ANXA10: variants seen among roughly 807,000 people sequenced by gnomAD.
ANXA10 encodes annexin A10, also known as annexin 14.
In ANXA10, 49 loss-of-function variants were observed where a neutral mutation model predicts 53.5. That is an observed-to-expected ratio of 0.92 (90% CI 0.73 to 1.16). The LOEUF is 1.16. Among genes scored for constraint, ANXA10 ranks in the 50% most tolerant of loss-of-function variants. The pLI is 0.00. For missense variants in ANXA10, 393 were observed against 394.4 expected (o/e 1.00, Z 0.03); for synonymous variants, 131 against 128.9 (o/e 1.02, Z -0.11).
intron 3 of ANXA10, among the ~76,000 whole-genome samples, chr4:168,153,053 A>T (rs944684826): frequency 2.6e-5 from 4 of 151,994 alleles, no homozygotes; most frequent in Non-Finnish European, 4.4e-5. Context: ...CATCCTGCCC[A>T]GTCTAGTCTT....
intron 1 of ANXA10, among the ~76,000 whole-genome samples, chr4:168,097,842 A>G (rs2149463570): frequency 6.6e-6 from 1 of 152,298 alleles, no homozygotes; most frequent in East Asian, 1.9e-4. Context: ...GGTAAAAGTC[A>G]GCAAAGAGGA....
At chr4:168,111,878 TATTA>T (rs1730813191) in intron 1 of ANXA10, among the ~76,000 whole-genome samples, 2 of 152,192 alleles carry the variant, frequency 1.3e-5, no homozygotes, top group African/African-American at 4.8e-5. Flanking sequence ...GACATCTTAT[TATTA>T]ATTAAACTAT....
chr4:168,143,981 A>C (rs982763672), intron 3 of ANXA10, among the ~76,000 whole-genome samples: 4 of 152,144 alleles, frequency 2.6e-5, no homozygotes, highest in Admixed American at 6.5e-5. Flanking sequence ...AATACTCAAG[A>C]GGGCCTAATC....
chr4:168,155,347 A>G (rs1578920895), intron 3 of ANXA10, among the ~76,000 whole-genome samples: 2 of 124,382 alleles, frequency 1.6e-5, no homozygotes, highest in Admixed American at 1.1e-4. Context: ...TATATATAAT[A>G]TATTATATAT....
At chr4:168,135,374 G>C (rs998174642) in intron 2 of ANXA10, among the ~76,000 whole-genome samples, 1 of 152,136 alleles carries the variant, frequency 6.6e-6, no homozygotes, top group Non-Finnish European at 1.5e-5. Flanking sequence ...GACAATTTTG[G>C]GTTGTCAAAC....
At chr4:168,131,559 T>C (rs1213837948) in intron 2 of ANXA10, among the ~76,000 whole-genome samples, 1 of 152,030 alleles carries the variant, frequency 6.6e-6, no homozygotes, top group African/African-American at 2.4e-5. Flanking sequence ...AAATTACTTA[T>C]AGAGTAATTG....
intron 2 of ANXA10, among the ~76,000 whole-genome samples, chr4:168,130,117 G>C (rs1203398029): frequency 6.6e-6 from 1 of 152,052 alleles, no homozygotes; most frequent in South Asian, 2.1e-4. Context: ...TTTTGAAAAC[G>C]TTCATTATGA....
chr4:168,111,608 T>C (rs1256787688), intron 1 of ANXA10, among the ~76,000 whole-genome samples: 1 of 152,166 alleles, frequency 6.6e-6, no homozygotes, highest in Non-Finnish European at 1.5e-5. Flanking sequence ...CATTTTTTCA[T>C]ATATAATATA....
chr4:168,103,772 TAA>T (rs1730677129), intron 1 of ANXA10, among the ~76,000 whole-genome samples: 1 of 151,926 alleles, frequency 6.6e-6, no homozygotes, highest in Admixed American at 6.6e-5. Context: ...TTAACAATAT[TAA>T]GTTTTCTAGC....
intron 6 of ANXA10, among the ~76,000 whole-genome samples, chr4:168,177,147 CCCACTGGCCCTCATAACCCTCAGGAA>C (rs1380927302): frequency 6.6e-6 from 1 of 152,146 alleles, no homozygotes; most frequent in Non-Finnish European, 1.5e-5. Flanking sequence ...CCTCCTTCTC[CCCACTGGCCCTCATAACCCTCAGGAA>C]TCAATGGACC....
intron 1 of ANXA10, among the ~76,000 whole-genome samples, chr4:168,113,628 C>T (rs1482638208): frequency 6.6e-6 from 1 of 152,200 alleles, no homozygotes. Context: ...CTGTCATGGC[C>T]TCATCACCTC....
At chr4:168,105,650 G>A (rs1048467922) in intron 1 of ANXA10, among the ~76,000 whole-genome samples, 1 of 152,032 alleles carries the variant, frequency 6.6e-6, no homozygotes, top group African/African-American at 2.4e-5. Context: ...AGATTGCTGG[G>A]TCAAATAATA....
intron 1 of ANXA10, among the ~76,000 whole-genome samples, chr4:168,101,005 G>C (rs770398152): frequency 6.6e-6 from 1 of 151,998 alleles, no homozygotes; most frequent in Non-Finnish European, 1.5e-5. Flanking sequence ...GTTTGGATCT[G>C]TGTCCCCACC....
chr4:168,152,253 AG>A (rs1402033610), intron 3 of ANXA10, among the ~76,000 whole-genome samples: 1 of 152,156 alleles, frequency 6.6e-6, no homozygotes, highest in African/African-American at 2.4e-5. Flanking sequence ...AAGAAGGCAG[AG>A]GGGGTGGACC....
intron 3 of ANXA10, among the ~76,000 whole-genome samples, chr4:168,145,713 G>A (rs1731395642): frequency 6.6e-6 from 1 of 152,104 alleles, no homozygotes; most frequent in African/African-American, 2.4e-5. Context: ...CCTCCATCAT[G>A]GTCATTTTCC....
At chr4:168,132,198 T>C (rs759306974) in intron 2 of ANXA10, among the ~76,000 whole-genome samples, 1 of 152,100 alleles carries the variant, frequency 6.6e-6, no homozygotes, top group Non-Finnish European at 1.5e-5. Flanking sequence ...CCAGCACTAT[T>C]TACAATAGCT....
At position 168,157,560 on chromosome 4, in the gene ANXA10, G is replaced by A. The variant is rs939137264; in HGVS notation, c.196-4968G>A. Among the ~76,000 whole-genome samples, 13 of 152,100 alleles carry A rather than the reference G, an allele frequency of 8.5e-5. 1 individual carries two copies. Among genetic ancestry groups the A allele is most frequent in the Admixed American group, 2.6e-4 (4 of 15,252 alleles). Reference sequence around the variant, plus strand: ...ATTACAGGCGTAAGCCACCACGCCCGGCCAGTATAGAGCATTTCTAATACC... The same window carrying A: ...ATTACAGGCGTAAGCCACCACGCCCAGCCAGTATAGAGCATTTCTAATACC... On this transcript the variant is annotated intron_variant, in intron 3 of 11. Transcript: ENST00000359299.
At chr4:168,162,446 A>G in intron 3 of ANXA10, 82 bp from the exon 4 acceptor site, 1 of 958,068 alleles carries the variant, frequency 1.0e-6, no homozygotes. Flanking sequence ...AAAAGAAAAT[A>G]TTAAAAGACT....
intron 5 of ANXA10, among the ~76,000 whole-genome samples, chr4:168,164,703 T>G (rs183310457): frequency 6.6e-6 from 1 of 152,206 alleles, no homozygotes; most frequent in African/African-American, 2.4e-5. Context: ...CGTAATCTAC[T>G]ACAAAATCAG....
Sources: gnomAD v4.1 joint callset for allele counts (sites outside exome capture counted in the v4.1 genomes callset) on GRCh38, gnomAD v4.1.1 for gene constraint, MANE v1.5 for transcripts, NCBI Gene and HGNC (gene_info 2026-07-23, HGNC 2026-07-21) for gene names.